Variants in DLG2 observed in about 807,000 individuals in gnomAD.
DLG2 encodes discs large MAGUK scaffold protein 2.
DLG2 carries 45 observed loss-of-function variants against 132.5 expected under a neutral mutation model. The ratio of observed to expected loss-of-function variants is 0.34; its 90% CI spans 0.27 to 0.44. The LOEUF (loss-of-function observed/expected upper bound fraction) is 0.44, where lower values mean the gene tolerates loss of function less well. DLG2 is among the 20% of genes least tolerant of loss of function. The pLI is 1.00. For synonymous variants in DLG2, 424 were observed against 419.6 expected (o/e 1.01, Z -0.13); for missense variants, 1,045 against 1,196.9 (o/e 0.87, Z 1.87).
intron 11 of DLG2, among the ~76,000 whole-genome samples, chr11:84,009,364 A>G (rs1476204972): frequency 6.6e-6 from 1 of 152,110 alleles, no homozygotes; most frequent in Non-Finnish European, 1.5e-5. Flanking sequence ...GTGAAAATGC[A>G]GAAATATATC....
At chr11:85,254,827 C>T (rs1020107009) in intron 4 of DLG2, among the ~76,000 whole-genome samples, 2 of 151,812 alleles carry the variant, frequency 1.3e-5, no homozygotes, top group Admixed American at 6.6e-5. Flanking sequence ...GGTGAAACCC[C>T]GTCTCTACTA....
At chr11:83,936,454 T>G (rs79711897) in intron 14 of DLG2, among the ~76,000 whole-genome samples, 9,831 of 152,262 alleles carry the variant, frequency 0.065, 405 homozygotes, top group East Asian at 0.15. Flanking sequence ...AGCTGTGGTA[T>G]CACATCAGAT....
chr11:83,913,661 A>C (rs1190417891), intron 15 of DLG2, among the ~76,000 whole-genome samples: 2 of 152,106 alleles, frequency 1.3e-5, no homozygotes, highest in African/African-American at 4.8e-5. Flanking sequence ...ATGTGAACAG[A>C]CCTGTTTGTG....
intron 6 of DLG2, among the ~76,000 whole-genome samples, chr11:84,646,100 C>T (rs532368893): frequency 1.3e-5 from 2 of 152,146 alleles, no homozygotes; most frequent in Non-Finnish European, 2.9e-5. Context: ...AAAAGCAAAG[C>T]TGTGGGCTCT....
chr11:84,699,690 G>A (rs779504948), intron 6 of DLG2, among the ~76,000 whole-genome samples: 4 of 151,420 alleles, frequency 2.6e-5, no homozygotes, highest in Admixed American at 2.6e-4. Context: ...CGTCTCCCTC[G>A]TTTTCCTAAT....
At chr11:84,901,388 T>C (rs2090864699) in intron 6 of DLG2, among the ~76,000 whole-genome samples, 1 of 152,110 alleles carries the variant, frequency 6.6e-6, no homozygotes, top group Admixed American at 6.6e-5. Context: ...AGAGATGCCA[T>C]AGCCAAGTTA....
chr11:84,129,474 A>C (rs1343579801), intron 9 of DLG2, among the ~76,000 whole-genome samples: 1 of 152,118 alleles, frequency 6.6e-6, no homozygotes, highest in Non-Finnish European at 1.5e-5. Flanking sequence ...GTACTACTCA[A>C]ACCTGAATGT....
At chr11:85,208,040 C>A (rs374606136) in intron 4 of DLG2, among the ~76,000 whole-genome samples, 5 of 152,028 alleles carry the variant, frequency 3.3e-5, no homozygotes, top group Non-Finnish European at 7.4e-5. Context: ...TAGCTACCAG[C>A]AATGGGGTAC....
intron 11 of DLG2, among the ~76,000 whole-genome samples, chr11:84,015,494 C>T (rs2095127231): frequency 6.6e-6 from 1 of 152,124 alleles, no homozygotes; most frequent in Non-Finnish European, 1.5e-5. Context: ...GTATTAATCC[C>T]AGCATCTATT....
At chr11:84,248,749 C>T (rs141664260) in intron 8 of DLG2, among the ~76,000 whole-genome samples, 2 of 152,110 alleles carry the variant, frequency 1.3e-5, no homozygotes, top group South Asian at 2.1e-4. Context: ...CTCCTGTAGT[C>T]CCAGCTACTC....
chr11:84,575,522 T>A (rs1261432604), intron 6 of DLG2, among the ~76,000 whole-genome samples: 1 of 152,196 alleles, frequency 6.6e-6, no homozygotes, highest in African/African-American at 2.4e-5. Flanking sequence ...TTGTAGCACT[T>A]TTCATGTTAA....
intron 6 of DLG2, among the ~76,000 whole-genome samples, chr11:85,046,860 G>A (rs950642286): frequency 6.6e-6 from 1 of 151,212 alleles, no homozygotes; most frequent in East Asian, 1.9e-4. Flanking sequence ...AAACTTGCAC[G>A]TCATCTCCTT....
intron 15 of DLG2, among the ~76,000 whole-genome samples, chr11:83,881,231 A>G (rs2066175652): frequency 6.6e-6 from 1 of 152,130 alleles, no homozygotes; most frequent in Non-Finnish European, 1.5e-5. Flanking sequence ...GGACTTTTAC[A>G]ATTTGCTGAA....
chr11:84,465,097 AC>A (rs1479333326), intron 7 of DLG2, among the ~76,000 whole-genome samples: 2 of 151,194 alleles, frequency 1.3e-5, no homozygotes, highest in African/African-American at 4.8e-5. Flanking sequence ...CAAATAATAA[AC>A]CGTCACACAC....
intron 11 of DLG2, among the ~76,000 whole-genome samples, chr11:84,058,087 A>G (rs2096532602): frequency 6.6e-6 from 1 of 151,940 alleles, no homozygotes; most frequent in Non-Finnish European, 1.5e-5. Context: ...AGGCTTTTAA[A>G]CTCAGTCCTG....
chr11:84,065,021 GAAGA>G lies in DLG2; in HGVS notation c.750-5541_750-5538del, dbSNP rs2096649928. ...TGAGATAACTGGACAGTCATATGCA[GAAGA>G]TTGCAATTCGACCCCTTCCTTAAAC... On this transcript the variant is annotated intron_variant, in intron 10 of 27. Coordinates refer to ENST00000376104, the MANE Select transcript of DLG2 (RefSeq NM_001142699.3). Among the ~76,000 whole-genome samples the G allele has an allele frequency of 2.0e-4, 30 of 152,282 alleles. No individual in the cohort carries two copies. The South Asian group carries it at 6.2e-3, about 32-fold the overall frequency.
Position 85,140,286 on chromosome 11 carries a change from C to T in DLG2, c.282+14270G>A, listed in dbSNP as rs74868665. The stretch of plus-strand genomic sequence containing the variant: ...AATCTCCATTCCCACCAACAGTGTA[C>T]AGAGTTCCCATTTCTCCACATCATC... On this transcript the variant is annotated intron_variant, in intron 5 of 27. Transcript: ENST00000376104. Among the ~76,000 whole-genome samples, 977 of 152,026 alleles carry T rather than the reference C, an allele frequency of 6.4e-3. 13 individuals are homozygous for T. The highest frequency in any genetic ancestry group is 0.022 in the African/African-American group (894 of 41,512).
intron 6 of DLG2, among the ~76,000 whole-genome samples, chr11:84,874,644 GGA>G (rs1268692397): frequency 1.2e-4 from 18 of 152,146 alleles, no homozygotes; most frequent in Non-Finnish European, 2.4e-4. Context: ...AATTGAATAT[GGA>G]GAGACTAGTT....
In DLG2 at chr11:84,785,959, AT is replaced by A. The variant is rs199712853; in HGVS notation, c.358-251229del. 9.9e-3 allele frequency among the ~76,000 whole-genome samples: 1,502 copies of A among 151,534 alleles called. 11 individuals carry two copies. Among genetic ancestry groups the A allele is most frequent in the Non-Finnish European group, 0.014 (955 of 67,790 alleles). On this transcript the variant is annotated intron_variant, in intron 6 of 27. Transcript: ENST00000376104. ...AGAATAAGTCTTTTTCTTGAAAATC[AT>A]TTTTTTTCCCAAGAAGATCTGTTAC...
Sources: allele counts gnomAD v4.1 joint callset (sites outside exome capture counted in the v4.1 genomes callset), GRCh38; gene constraint gnomAD v4.1.1; transcripts MANE v1.5; gene names NCBI Gene and HGNC (gene_info 2026-07-23, HGNC 2026-07-21).